Variants in FARP1 observed in about 807,000 individuals in gnomAD.
FARP1 encodes the protein FERM, ARHGEF and pleckstrin domain-containing protein 1.
FARP1 carries 52 observed loss-of-function variants against 128.8 expected under a neutral mutation model. The ratio of observed to expected loss-of-function variants is 0.40; its 90% CI spans 0.32 to 0.51. FARP1 has a LOEUF of 0.51. Among genes scored for constraint, FARP1 ranks in the 20% least tolerant of loss-of-function variants. The probability of loss-of-function intolerance (pLI) is 0.45; values close to 1 mark genes in which losing one functional copy is unlikely to be tolerated. For synonymous variants in FARP1, 580 were observed against 551.8 expected, an observed-to-expected ratio of 1.05 and a Z score of -0.72; for missense variants, 1,333 against 1,367.9, an observed-to-expected ratio of 0.97 and a Z score of 0.40.
chr13:98,316,051 T>A (rs1388434401), intron 2 of FARP1, among the ~76,000 whole-genome samples: 3 of 152,178 alleles, frequency 2.0e-5, no homozygotes, highest in Non-Finnish European at 4.4e-5. Context: ...ATCTGTCACA[T>A]GAGACGGTTT....
chr13:98,189,032 C>T (rs1446851296), intron 1 of FARP1, among the ~76,000 whole-genome samples: 2 of 152,176 alleles, frequency 1.3e-5, no homozygotes, highest in South Asian at 2.1e-4. Context: ...GCAGGAGTGT[C>T]TTTCTCCTCT....
In FARP1 at chr13:98,372,087, T is replaced by TTC. The variant is rs201569310; in HGVS notation, c.398+3893_398+3894insCT. On this transcript the variant is annotated intron_variant, in intron 5 of 26. Transcript: ENST00000319562. ...AAAGATGATCCCAGTTTTTCTTTTT[T>TTC]TTTTTTTTTTTTTTTTGGCGATGGA... Among the ~76,000 whole-genome samples, 667 of 143,200 alleles carry TTC rather than the reference T, an allele frequency of 4.7e-3. 7 individuals are homozygous for TTC. The highest frequency in any genetic ancestry group is 0.017 in the African/African-American group (638 of 38,568). The allele number at this position is 143,200 out of a possible 152,430, so 93.9% of individuals were successfully genotyped here. A position where few individuals can be genotyped will look rare whatever the true frequency, so the allele number is the denominator to read the frequency against.
intron 16 of FARP1, among the ~76,000 whole-genome samples, chr13:98,421,002 C>T (rs2140143491): frequency 6.6e-6 from 1 of 152,264 alleles, no homozygotes; most frequent in African/African-American, 2.4e-5. Context: ...GCTATGTGAG[C>T]TGGGGTGGGG....
intron 2 of FARP1, among the ~76,000 whole-genome samples, chr13:98,235,032 A>G (rs1882336945): frequency 6.6e-6 from 1 of 152,230 alleles, no homozygotes; most frequent in Non-Finnish European, 1.5e-5. Context: ...TTCTTCCCAT[A>G]TCCCTCATTG....
At chr13:98,393,542 C>A in intron 11 of FARP1, 101 bp from the exon 12 acceptor site, 1 of 829,610 alleles carries the variant, frequency 1.2e-6, no homozygotes, top group Non-Finnish European at 2.0e-6. Context: ...TTGAGGAAGG[C>A]ACTAATACGT....
chr13:98,431,958 A>G (rs1350436416), intron 18 of FARP1: 5 of 152,208 alleles, frequency 3.3e-5, no homozygotes, highest in East Asian at 1.9e-4. Context: ...TACCATGGCC[A>G]CAGAACATAG....
chr13:98,396,125 A>G (rs1890535522), intron 13 of FARP1: 1 of 399,050 alleles, frequency 2.5e-6, no homozygotes, highest in African/African-American at 2.1e-5. Context: ...GAGGCCATGG[A>G]TGGGCTTGGT....
At chr13:98,200,387 A>ACCCCCCCC (rs34861204) in intron 1 of FARP1, among the ~76,000 whole-genome samples, 27 of 127,600 alleles carry the variant, frequency 2.1e-4, no homozygotes, top group African/African-American at 3.7e-4. Flanking sequence ...TGCAACCTTC[A>ACCCCCCCC]CCCCCCCCCC....
chr13:98,231,398 C>A (rs1882105633), intron 2 of FARP1, among the ~76,000 whole-genome samples: 2 of 151,876 alleles, frequency 1.3e-5, no homozygotes, highest in South Asian at 4.2e-4. Context: ...CATGTAGATG[C>A]TATGTTGTCA....
chr13:98,318,022 T>C (rs1341649488), intron 2 of FARP1, among the ~76,000 whole-genome samples: 1 of 149,154 alleles, frequency 6.7e-6, no homozygotes, highest in African/African-American at 2.5e-5. Flanking sequence ...TTCATCTCCT[T>C]CTTCCTCCTC....
At chr13:98,205,417 G>A (rs1486069772) in intron 1 of FARP1, among the ~76,000 whole-genome samples, 1 of 151,842 alleles carries the variant, frequency 6.6e-6, no homozygotes, top group African/African-American at 2.4e-5. Context: ...TTTTTAGACA[G>A]AGTCTCACTC....
intron 2 of FARP1, among the ~76,000 whole-genome samples, chr13:98,263,304 G>T (rs966891778): frequency 1.3e-5 from 2 of 152,046 alleles, no homozygotes; most frequent in Non-Finnish European, 2.9e-5. Context: ...CACCACGCCC[G>T]GCCACACTAC....
At chr13:98,153,903 A>G (rs560200617) in intron 1 of FARP1, among the ~76,000 whole-genome samples, 1 of 152,230 alleles carries the variant, frequency 6.6e-6, no homozygotes, top group African/African-American at 2.4e-5. Flanking sequence ...AACCAACTCC[A>G]CAGTCAGGAT....
intron 2 of FARP1, among the ~76,000 whole-genome samples, chr13:98,292,244 T>C (rs1251899109): frequency 6.6e-6 from 1 of 152,248 alleles, no homozygotes; most frequent in Non-Finnish European, 1.5e-5. Context: ...CTGAATTCAA[T>C]ACATAGCATC....
Position 98,363,057 on chromosome 13 carries a change from C to G in FARP1, c.277-2338C>G, listed in dbSNP as rs926779700. ...TGCATCCATTCTTGCTCCTTCTAAC[C>G]TGTTCTCACGCTGCCAGACTCATCT... is the stretch of plus-strand genomic sequence containing the variant. On this transcript the variant is annotated intron_variant, in intron 3 of 26. Coordinates refer to ENST00000319562, the MANE Select transcript of FARP1 (RefSeq NM_005766.4). 3.9e-5 allele frequency among the ~76,000 whole-genome samples: 6 copies of G among 152,234 alleles called. No individual in the cohort carries two copies. In the South Asian group the frequency reaches 6.2e-4, roughly 16 times the overall value.
intron 1 of FARP1, among the ~76,000 whole-genome samples, chr13:98,199,441 T>C (rs1230946318): frequency 6.6e-6 from 1 of 152,216 alleles, no homozygotes; most frequent in Non-Finnish European, 1.5e-5. Context: ...GTGTGAAATG[T>C]AGTTGCTGAA....
At chr13:98,229,685 CTTTT>C (rs10571699) in intron 2 of FARP1, among the ~76,000 whole-genome samples, 1,955 of 140,468 alleles carry the variant, frequency 0.014, 41 homozygotes, top group African/African-American at 0.047. Flanking sequence ...TACTTTATTT[CTTTT>C]TTTTTTTTTT....
Position 98,358,727 on chromosome 13 carries a change from G to T in FARP1, c.277-6668G>T, listed in dbSNP as rs202095076. ...CTTGGCTCACTGTAACCTCCGCCTC[G>T]CAGGTTCAAGTGATTCTCCTGCCTC... On this transcript the variant is annotated intron_variant, in intron 3 of 26. Coordinates refer to ENST00000319562, the MANE Select transcript of FARP1 (RefSeq NM_005766.4). Among the ~76,000 whole-genome samples the T allele has an allele frequency of 3.2e-4, 48 of 151,728 alleles. 1 individual carries two copies. In the East Asian group the frequency reaches 8.9e-3, roughly 28 times the overall value.
At chr13:98,314,859 C>T (rs1361399754) in intron 2 of FARP1, among the ~76,000 whole-genome samples, 1 of 152,102 alleles carries the variant, frequency 6.6e-6, no homozygotes, top group Admixed American at 6.5e-5. Context: ...GACCGATTGT[C>T]CTTATTGTAT....
Sources: allele counts gnomAD v4.1 joint callset (sites outside exome capture counted in the v4.1 genomes callset), GRCh38; gene constraint gnomAD v4.1.1; transcripts MANE v1.5; gene names NCBI Gene and HGNC (gene_info 2026-07-23, HGNC 2026-07-21).